Variants in SETDB2 observed in about 807,000 individuals in gnomAD.
SETDB2 encodes the protein histone-lysine N-methyltransferase SETDB2.
In SETDB2, 56 loss-of-function variants were observed where a neutral mutation model predicts 82.5. The observed-to-expected ratio is 0.68, with a 90% CI of 0.55 to 0.85. SETDB2 has a LOEUF of 0.85. Among genes scored for constraint, SETDB2 ranks in the 40% least tolerant of loss-of-function variants. The pLI, the probability that SETDB2 is intolerant of heterozygous loss-of-function variation, is 0.00. For synonymous variants in SETDB2, 272 were observed against 284.9 expected (o/e 0.95, Z 0.46); for missense variants, 677 against 816.4 (o/e 0.83, Z 2.08).
rs560560901 is a variant in SETDB2, at chr13:49,461,241, G to A, written c.208+79G>A. The A allele has an allele frequency of 8.9e-6, 8 of 895,200 alleles. No individual in the cohort carries two copies. The East Asian group carries it at 2.0e-4, about 23-fold the overall frequency. The allele number at this position is 895,200 out of a possible 1,614,324, so 55.5% of individuals were successfully genotyped here. Reference sequence around the variant, plus strand: ...GAAGCAGGATAGCTTTAATATGTTGGGCTAATTAAAGATAATTTAAAATAA... The same window carrying A: ...GAAGCAGGATAGCTTTAATATGTTGAGCTAATTAAAGATAATTTAAAATAA... On this transcript the variant is annotated intron_variant, in intron 4 of 13. Transcript: ENST00000611815.
Position 49,483,469 on chromosome 13 carries a change from C to G in SETDB2, c.1388C>G (p.Thr463Arg). The G allele has an allele frequency of 7.6e-7, 1 of 1,321,244 alleles. No homozygotes were observed. Among genetic ancestry groups the G allele is most frequent in the Non-Finnish European group, 1.0e-6 (1 of 966,068 alleles). The allele number at this position is 1,321,244 out of a possible 1,614,324, so 81.8% of individuals were successfully genotyped here. The stretch of plus-strand genomic sequence containing the variant: ...AACTTTTTTTTCCTTTTTAGGGAAA[C>G]GAAATATGATAATATTTCAAGAATT... ...SNNPKELTVETKYDNISRIQY... is the reference protein window; with the variant it reads ...SNNPKELTVERKYDNISRIQY... Residue 463 changes from threonine to arginine, a missense_variant, in exon 10 of 14, where the codon ACG becomes AGG. By Grantham distance (71) the Thr-to-Arg change is moderately conservative. Transcript: ENST00000611815.
intron 5 of SETDB2, among the ~76,000 whole-genome samples, chr13:49,473,262 AC>A (rs1958286203): frequency 6.6e-6 from 1 of 152,042 alleles, no homozygotes; most frequent in South Asian, 2.1e-4. Context: ...AAAAATTCAT[AC>A]CCGAGGCCAG....
chr13:49,463,773 A>T (rs1214108444), intron 4 of SETDB2, among the ~76,000 whole-genome samples: 1 of 152,188 alleles, frequency 6.6e-6, no homozygotes, highest in East Asian at 1.9e-4. Flanking sequence ...AGTTACAGAG[A>T]ACAGGAATCT....
chr13:49,457,429 C>T, intron 2 of SETDB2, among the ~76,000 whole-genome samples: 1 of 120,226 alleles, frequency 8.3e-6, no homozygotes, highest in Admixed American at 9.6e-5. Context: ...ATTGGCATTT[C>T]TAAGACTTTT....
At chr13:49,469,714 T>G (rs770339822) in intron 5 of SETDB2, among the ~76,000 whole-genome samples, 10 of 148,810 alleles carry the variant, frequency 6.7e-5, no homozygotes, top group Non-Finnish European at 9.1e-5. Flanking sequence ...ATATTTGAAG[T>G]TTTTTTTTCC....
intron 5 of SETDB2, among the ~76,000 whole-genome samples, chr13:49,472,941 T>C (rs1241224267): frequency 1.3e-5 from 2 of 152,238 alleles, no homozygotes; most frequent in African/African-American, 4.8e-5. Context: ...TCTTGAAATG[T>C]AAATTCCAAA....
chr13:49,487,656 G>C (rs1361938597), intron 11 of SETDB2, among the ~76,000 whole-genome samples: 1 of 152,010 alleles, frequency 6.6e-6, no homozygotes, highest in Non-Finnish European at 1.5e-5. Context: ...TCATACTCTT[G>C]AATACTCTCA....
chr13:49,477,529 A>G (rs74076026), intron 6 of SETDB2, among the ~76,000 whole-genome samples: 2,634 of 152,354 alleles, frequency 0.017, 87 homozygotes, highest in African/African-American at 0.06. Context: ...TTTGCCAAAT[A>G]TGGTAATTTG....
Position 49,444,635 on chromosome 13 carries a change from C to G in SETDB2, c.-564C>G, listed in dbSNP as rs1957622121. On this transcript the variant is annotated 5_prime_UTR_variant, in exon 1 of 14. Transcript: ENST00000611815. ...GCTGGACCCCAGCCCTTGCAGCCTCCCTTCTCCTGGCACCCAAGTGCAGTC... is the reference window on the plus strand; with the variant it reads ...GCTGGACCCCAGCCCTTGCAGCCTCGCTTCTCCTGGCACCCAAGTGCAGTC... The G allele has an allele frequency of 6.4e-6, 1 of 155,124 alleles. No individual in the cohort carries two copies. Among genetic ancestry groups the G allele is most frequent in the Non-Finnish European group, 1.4e-5 (1 of 69,556 alleles). 9.6% of individuals were successfully genotyped at this position (155,124 alleles called of 1,614,324 possible).
At position 49,483,474 on chromosome 13, in the gene SETDB2, T is replaced by A; in HGVS notation, c.1393T>A (p.Tyr465Asn). 1 of 1,367,316 alleles carries A rather than the reference T, an allele frequency of 7.3e-7. No homozygotes were observed. Among genetic ancestry groups the A allele is most frequent in the Non-Finnish European group, 9.9e-7 (1 of 1,005,128 alleles). The allele number at this position is 1,367,316 out of a possible 1,614,324, so 84.7% of individuals were successfully genotyped here. A position where few individuals can be genotyped will look rare whatever the true frequency, so the allele number is the denominator to read the frequency against. Residue 465 changes from tyrosine to asparagine, a missense_variant, in exon 10 of 14, where the codon TAT becomes AAT. Coordinates refer to ENST00000611815, the MANE Select transcript of SETDB2 (RefSeq NM_001160308.3). ...TTTTTTCCTTTTTAGGGAAACGAAA[T>A]ATGATAATATTTCAAGAATTCAATA... is the stretch of plus-strand genomic sequence containing the variant. ...NPKELTVETK[Y>N]DNISRIQYHS...
In SETDB2 at chr13:49,482,773, A is replaced by G; in HGVS notation, c.1193A>G (p.Tyr398Cys). 6.2e-7 allele frequency: 1 copy of G among 1,612,292 alleles called. No individual in the cohort carries two copies. Among genetic ancestry groups the G allele is most frequent in the Non-Finnish European group, 8.5e-7 (1 of 1,178,776 alleles). The change falls in exon 9 of 14, where the codon TAT (tyrosine) becomes TGT (cysteine). Residue 398 changes from tyrosine (Y) to cysteine (C), a missense_variant. This residue lies in a region of SETDB2 where 420 missense variants were observed against 554.6 expected (regional missense o/e 0.76). Coordinates refer to ENST00000611815, the MANE Select transcript of SETDB2 (RefSeq NM_001160308.3). ...LLSRANTEKSYGIDENGRDEN... is the reference protein window; with the variant it reads ...LLSRANTEKSCGIDENGRDEN... Reference sequence around the variant, plus strand: ...AGCAGAGCTAACACTGAAAAATCTTATGGTATTGATGAAAACGGGAGAGAT... The same window carrying G: ...AGCAGAGCTAACACTGAAAAATCTTGTGGTATTGATGAAAACGGGAGAGAT...
At chr13:49,490,113 C>A (rs1296536519) in intron 12 of SETDB2, among the ~76,000 whole-genome samples, 2 of 150,642 alleles carry the variant, frequency 1.3e-5, no homozygotes, top group African/African-American at 4.9e-5. Flanking sequence ...CCCGTCACTA[C>A]TAAAAATACA....
chr13:49,473,481 G>A (rs1232914744), intron 5 of SETDB2, among the ~76,000 whole-genome samples: 1 of 149,648 alleles, frequency 6.7e-6, no homozygotes, highest in Non-Finnish European at 1.5e-5. Context: ...AGCCCAGGAG[G>A]CAGATGTTGT....
Position 49,460,095 on chromosome 13 carries a change from T to C in SETDB2, c.17-12T>C. The stretch of plus-strand genomic sequence containing the variant: ...TATTAGCTCTTAGGCTAGTCACTTA[T>C]TTTTATTTTAGGCGATGCAAAAACT... On this transcript the variant is annotated splice_polypyrimidine_tract_variant and intron_variant, in intron 2 of 13. Coordinates refer to ENST00000611815, the MANE Select transcript of SETDB2 (RefSeq NM_001160308.3). 1 of 1,607,572 alleles carries C rather than the reference T, an allele frequency of 6.2e-7. No homozygotes were observed. Among genetic ancestry groups the C allele is most frequent in the African/African-American group, 1.3e-5 (1 of 74,548 alleles).
At chr13:49,453,148 GTTTA>G (rs1052891275) in intron 2 of SETDB2, among the ~76,000 whole-genome samples, 14 of 152,062 alleles carry the variant, frequency 9.2e-5, no homozygotes, top group African/African-American at 2.2e-4. Context: ...CTTCTTCCCT[GTTTA>G]TTTATTCAGT....
chr13:49,485,354 A>G (rs554154773), intron 10 of SETDB2, among the ~76,000 whole-genome samples: 26 of 152,356 alleles, frequency 1.7e-4, no homozygotes, highest in African/African-American at 6.0e-4. Flanking sequence ...TGGGGGATAC[A>G]GACAGGGATG....
intron 4 of SETDB2, chr13:49,463,957 A>G: frequency 1.4e-6 from 1 of 711,446 alleles, no homozygotes; most frequent in Non-Finnish European, 2.6e-6. Context: ...AAGTCATCCT[A>G]ATACAGGAAA....
chr13:49,461,072 G>A (rs2077848), intron 3 of SETDB2, 25 bp from the exon 4 acceptor site: 842,150 of 1,572,516 alleles, frequency 0.54, 228,520 homozygotes, highest in Non-Finnish European at 0.56. Context: ...AGGTAATGGT[G>A]ATGCTGTTTT....
At chr13:49,455,853 A>G (rs1274184482) in intron 2 of SETDB2, among the ~76,000 whole-genome samples, 5 of 152,090 alleles carry the variant, frequency 3.3e-5, no homozygotes, top group African/African-American at 1.2e-4. Flanking sequence ...TGAGACAGCC[A>G]TTGTACTATA....
Sources: gnomAD v4.1 joint callset for allele counts (sites outside exome capture counted in the v4.1 genomes callset) on GRCh38, gnomAD v4.1.1 for gene constraint, gnomAD v4.1.1 regional missense constraint, MANE v1.5 for transcripts, NCBI Gene and HGNC (gene_info 2026-07-23, HGNC 2026-07-21) for gene names.